Variants in PABPC4L observed in about 807,000 individuals in gnomAD.
The protein encoded by PABPC4L is poly(A) binding protein cytoplasmic 4 like, also known as polyadenylate-binding protein 4-like.
For missense variants in PABPC4L, 452 were observed against 451.4 expected, an observed-to-expected ratio of 1.00 and a Z score of -0.01; for synonymous variants, 169 against 164.1, an observed-to-expected ratio of 1.03 and a Z score of -0.23.
the PABPC4L span, among the ~76,000 whole-genome samples, chr4:133,955,894 G>A: frequency 6.6e-6 from 1 of 152,068 alleles, no homozygotes; most frequent in Non-Finnish European, 1.5e-5. Flanking sequence ...TAAACCTGTT[G>A]TCTCTATGTT....
At chr4:134,009,013 G>A in the PABPC4L span, among the ~76,000 whole-genome samples, 3 of 151,756 alleles carry the variant, frequency 2.0e-5, no homozygotes, top group African/African-American at 7.2e-5. Flanking sequence ...TTTTAAAAAT[G>A]TTATCAGAAA....
At chr4:133,988,611 G>T in the PABPC4L span, among the ~76,000 whole-genome samples, 2 of 152,202 alleles carry the variant, frequency 1.3e-5, no homozygotes, top group Non-Finnish European at 1.5e-5. Context: ...ATACAGCCAA[G>T]TCTCCTGGCT....
At chr4:134,157,195 G>A in the PABPC4L span, among the ~76,000 whole-genome samples, 1 of 150,558 alleles carries the variant, frequency 6.6e-6, no homozygotes, top group African/African-American at 2.4e-5. Context: ...TTAATACCAT[G>A]TGGAAGAATT....
the PABPC4L span, among the ~76,000 whole-genome samples, chr4:134,079,269 C>A: frequency 6.6e-6 from 1 of 151,048 alleles, no homozygotes; most frequent in African/African-American, 2.4e-5. Flanking sequence ...CACAACCAAC[C>A]TGTTTTGTAA....
At chr4:134,114,602 C>T in the PABPC4L span, among the ~76,000 whole-genome samples, 1 of 151,696 alleles carries the variant, frequency 6.6e-6, no homozygotes. Flanking sequence ...TGCCTGCCTA[C>T]CAGACACTTG....
chr4:134,084,808 G>C, the PABPC4L span, among the ~76,000 whole-genome samples: 1 of 152,174 alleles, frequency 6.6e-6, no homozygotes, highest in Non-Finnish European at 1.5e-5. Context: ...ACAGTGTACT[G>C]TTGTTGCCAA....
the PABPC4L span, among the ~76,000 whole-genome samples, chr4:134,158,824 G>T: frequency 6.6e-6 from 1 of 151,910 alleles, no homozygotes; most frequent in African/African-American, 2.4e-5. Flanking sequence ...GTCATCCTGG[G>T]GATATTATAG....
the PABPC4L span, among the ~76,000 whole-genome samples, chr4:134,143,255 T>A: frequency 6.6e-6 from 1 of 150,502 alleles, no homozygotes; most frequent in African/African-American, 2.4e-5. Context: ...ATCTTAATAA[T>A]ATCTTAATAA....
the PABPC4L span, among the ~76,000 whole-genome samples, chr4:133,979,139 A>T: frequency 4.6e-5 from 7 of 152,192 alleles, no homozygotes; most frequent in African/African-American, 1.7e-4. Context: ...TCTAACATTG[A>T]TCCAACAATT....
the PABPC4L span, among the ~76,000 whole-genome samples, chr4:134,104,564 C>T: frequency 1.3e-5 from 2 of 151,714 alleles, no homozygotes; most frequent in Admixed American, 6.6e-5. Flanking sequence ...TGAGGCATCT[C>T]TCCCAACTTG....
chr4:134,015,060 A>C, the PABPC4L span, among the ~76,000 whole-genome samples: 1 of 151,790 alleles, frequency 6.6e-6, no homozygotes, highest in African/African-American at 2.4e-5. Flanking sequence ...CTTAACCCAC[A>C]AGTATAAGAC....
the PABPC4L span, among the ~76,000 whole-genome samples, chr4:134,154,899 T>C: frequency 2.0e-5 from 3 of 152,142 alleles, no homozygotes; most frequent in African/African-American, 7.2e-5. Context: ...ACATTCATGA[T>C]ATTAATTTTC....
chr4:134,123,871 C>T, the PABPC4L span, among the ~76,000 whole-genome samples: 1 of 151,186 alleles, frequency 6.6e-6, no homozygotes, highest in East Asian at 2.0e-4. Context: ...CCAAAGACTA[C>T]CAGATGCAGA....
At chr4:134,108,619 C>G in the PABPC4L span, among the ~76,000 whole-genome samples, 68,780 of 151,590 alleles carry the variant, frequency 0.45, 18,089 homozygotes, top group East Asian at 0.98. Flanking sequence ...TTTCTTGAAT[C>G]TTGATTTTTA....
the PABPC4L span, among the ~76,000 whole-genome samples, chr4:134,165,556 A>G: frequency 6.6e-6 from 1 of 152,190 alleles, no homozygotes; most frequent in Non-Finnish European, 1.5e-5. Flanking sequence ...ACTGATCATT[A>G]TGGAAATGCA....
At chr4:134,119,924 G>A in the PABPC4L span, among the ~76,000 whole-genome samples, 118 of 151,704 alleles carry the variant, frequency 7.8e-4, 2 homozygotes, top group South Asian at 0.017. Context: ...GTTCATTGCT[G>A]CACTCTGAGT....
chr4:134,040,263 A>G, the PABPC4L span, among the ~76,000 whole-genome samples: 1 of 151,932 alleles, frequency 6.6e-6, no homozygotes, highest in African/African-American at 2.4e-5. Flanking sequence ...GAGCCCACAT[A>G]GCCAAGACAA....
the PABPC4L span, among the ~76,000 whole-genome samples, chr4:134,150,676 G>C: frequency 0.022 from 3,417 of 152,156 alleles, 130 homozygotes; most frequent in African/African-American, 0.078. Flanking sequence ...CTGGTACAAA[G>C]ATTTTCCACG....
the PABPC4L span, among the ~76,000 whole-genome samples, chr4:134,105,898 T>C: frequency 2.2e-4 from 33 of 151,688 alleles, no homozygotes; most frequent in Non-Finnish European, 4.6e-4. Flanking sequence ...TTTTAAATAA[T>C]TCAGTCAAGG....
Sources: gnomAD v4.1 joint callset for allele counts (sites outside exome capture counted in the v4.1 genomes callset) on GRCh38, gnomAD v4.1.1 for gene constraint, MANE v1.5 for transcripts, NCBI Gene and HGNC (gene_info 2026-07-23, HGNC 2026-07-21) for gene names.